The following SLC8A2 variants were observed in gnomAD, a reference collection of about 807,000 sequenced individuals.
SLC8A2 encodes solute carrier family 8 member A2, also known as sodium/calcium exchanger 2.
SLC8A2 carries 14 observed loss-of-function variants against 70.2 expected under a neutral mutation model. The observed-to-expected ratio is 0.20, with a 90% CI of 0.13 to 0.31. The LOEUF is 0.31. SLC8A2 is among the 10% of genes least tolerant of loss of function. SLC8A2 has a pLI of 1.00. For synonymous variants in SLC8A2, 575 were observed against 594.3 expected, an observed-to-expected ratio of 0.97 and a Z score of 0.47; for missense variants, 779 against 1,320.1, an observed-to-expected ratio of 0.59 and a Z score of 6.35.
In SLC8A2 at chr19:47,465,734, C is replaced by T. The variant is rs1967449202; in HGVS notation, c.670G>A (p.Val224Ile). Residue 224 changes from valine (V) to isoleucine (I), a missense_variant, in exon 2 of 10, where the codon GTC becomes ATC. Around this residue, in one of 6 missense-constraint regions of SLC8A2, gnomAD observed 155 missense variants for 318.6 expected, o/e 0.49. Coordinates refer to ENST00000236877, the MANE Select transcript of SLC8A2 (RefSeq NM_015063.3). The surrounding 1 kb of genome is among the most constrained non-coding windows in gnomAD (Gnocchi z 5.5). Reference sequence around the variant, plus strand: ...ATCTATGCGTCTTTGCTCACCTGGACCACACCGGGGGAAAAAACAGCAAGG... The same window carrying T: ...ATCTATGCGTCTTTGCTCACCTGGATCACACCGGGGGAAAAAACAGCAAGG... ...LILAVFSPGV[V>I]QVWEALLTLV... 1 of 1,608,626 alleles carries T rather than the reference C, an allele frequency of 6.2e-7. No homozygotes were observed. Among genetic ancestry groups the T allele is most frequent in the African/African-American group, 1.3e-5 (1 of 74,856 alleles).
Position 47,447,768 on chromosome 19 carries a change from C to T in SLC8A2, c.1763+41G>A, listed in dbSNP as rs978796605. The T allele has an allele frequency of 3.3e-6, 5 of 1,529,120 alleles. No homozygotes were observed. The highest frequency in any genetic ancestry group is 1.2e-5 in the South Asian group (1 of 81,586). 94.7% of individuals were successfully genotyped at this position (1,529,120 alleles called of 1,614,324 possible). ...GAGCCACATCAGGCCTCGCCCATTCCGAAGCCCCGCCCCTCTCCGGGCCGC... is the reference window on the plus strand; with the variant it reads ...GAGCCACATCAGGCCTCGCCCATTCTGAAGCCCCGCCCCTCTCCGGGCCGC... On this transcript the variant is annotated intron_variant, in intron 4 of 9. Transcript: ENST00000236877. The surrounding 1 kb of genome is among the most constrained non-coding windows in gnomAD (Gnocchi z 5.1).
At position 47,430,749 on chromosome 19, in the gene SLC8A2, C is replaced by T. The variant is rs1018420078; in HGVS notation, c.2390-284G>A. ...TGATTTCTTTTTTTTTCCTCCGAGA[C>T]GGAGTTTTGCTCTGTCACCCAGGCT... On this transcript the variant is annotated intron_variant, in intron 9 of 9. Transcript: ENST00000236877. The surrounding 1 kb of genome is among the most constrained non-coding windows in gnomAD (Gnocchi z 5.9). Among the ~76,000 whole-genome samples the T allele has an allele frequency of 1.3e-5, 2 of 152,128 alleles. No homozygotes were observed. The highest frequency in any genetic ancestry group is 6.5e-5 in the Admixed American group (1 of 15,276).
At chr19:47,452,194 A>C (rs1455630781) in intron 3 of SLC8A2, among the ~76,000 whole-genome samples, 1 of 152,044 alleles carries the variant, frequency 6.6e-6, no homozygotes, top group Non-Finnish European at 1.5e-5. Context: ...TCGTGGTCAC[A>C]GAGTGTCACA....
In SLC8A2 at chr19:47,448,628, T is replaced by G. The variant is rs767023870; in HGVS notation, c.1341-397A>C. ...GGGAGCCTGGGGTGTTCTACATCCC[T>G]GCTTCTCAAACCTTAATATGCATAT... is the stretch of plus-strand genomic sequence containing the variant. On this transcript the variant is annotated intron_variant, in intron 3 of 9. Coordinates refer to ENST00000236877, the MANE Select transcript of SLC8A2 (RefSeq NM_015063.3). The surrounding 1 kb of genome is among the most constrained non-coding windows in gnomAD (Gnocchi z 4.8). Among the ~76,000 whole-genome samples, 3 of 152,186 alleles carry G rather than the reference T, an allele frequency of 2.0e-5. No homozygotes were observed. Among genetic ancestry groups the G allele is most frequent in the Non-Finnish European group, 4.4e-5 (3 of 68,028 alleles).
chr19:47,457,388 C>T lies in SLC8A2; in HGVS notation c.882G>A (p.Glu294=), dbSNP rs924743422. The T allele has an allele frequency of 8.3e-6, 13 of 1,557,268 alleles. No individual in the cohort carries two copies. The highest frequency in any genetic ancestry group is 1.1e-5 in the Non-Finnish European group (13 of 1,152,864). The change falls in exon 3 of 10, where the codon GAG becomes GAA. Residue 294 remains glutamate (E), a synonymous_variant. Transcript: ENST00000236877. ...GTFVGAEAPG[E]LGGLGPGPAE... ...CGGGGCCCGGGCCCAGGCCGCCCAG[C>T]TCACCTGGGGCCTCGGCGCCCACGA...
chr19:47,430,538 C>T lies in SLC8A2; in HGVS notation c.2390-73G>A. On this transcript the variant is annotated intron_variant, in intron 9 of 9. Coordinates refer to ENST00000236877, the MANE Select transcript of SLC8A2 (RefSeq NM_015063.3). The surrounding 1 kb of genome is among the most constrained non-coding windows in gnomAD (Gnocchi z 5.9). ...ACAGGGGCGGGCATCCGCCTGCCCC[C>T]TCCCAGCCTTTCCCGGTCGCCTGCT... 2.1e-6 allele frequency: 3 copies of T among 1,430,112 alleles called. No homozygotes were observed. The highest frequency in any genetic ancestry group is 1.8e-6 in the Non-Finnish European group (2 of 1,084,810). 88.6% of individuals were successfully genotyped at this position (1,430,112 alleles called of 1,614,324 possible). A position where few individuals can be genotyped will look rare whatever the true frequency, so the allele number is the denominator to read the frequency against.
chr19:47,446,167 G>A (rs1967159524), intron 4 of SLC8A2, among the ~76,000 whole-genome samples: 1 of 152,214 alleles, frequency 6.6e-6, no homozygotes, highest in East Asian at 1.9e-4. Context: ...GGGGGAGCGC[G>A]GTGGGGACTC....
At position 47,447,643 on chromosome 19, in the gene SLC8A2, C is replaced by CA. The variant is rs1967182448; in HGVS notation, c.1763+165_1763+166insT. The CA allele has an allele frequency of 2.0e-5, 13 of 662,002 alleles. No individual in the cohort carries two copies. Among genetic ancestry groups the CA allele is most frequent in the Admixed American group, 7.0e-5 (2 of 28,756 alleles). 41.0% of individuals were successfully genotyped at this position (662,002 alleles called of 1,614,324 possible). On this transcript the variant is annotated intron_variant, in intron 4 of 9. Coordinates refer to ENST00000236877, the MANE Select transcript of SLC8A2 (RefSeq NM_015063.3). The surrounding 1 kb of genome is among the most constrained non-coding windows in gnomAD (Gnocchi z 5.1). ...ACGTCGTGGGCATGGGTCACAGGCC[C>CA]CGCCCACGTTGCGGGCACGGCCACG...
chr19:47,455,534 T>C (rs530891144), intron 3 of SLC8A2, among the ~76,000 whole-genome samples: 1 of 152,352 alleles, frequency 6.6e-6, no homozygotes, highest in South Asian at 2.1e-4. Context: ...TGTTTGTTTC[T>C]TGCACATAGT....
At chr19:47,455,022 G>A (rs1967287374) in intron 3 of SLC8A2, among the ~76,000 whole-genome samples, 1 of 152,050 alleles carries the variant, frequency 6.6e-6, no homozygotes, top group South Asian at 2.1e-4. Flanking sequence ...GGAAGGTGAA[G>A]GTTGCAGTGA....
intron 3 of SLC8A2, among the ~76,000 whole-genome samples, chr19:47,452,805 G>A (rs1035480718): frequency 9.2e-5 from 14 of 152,252 alleles, no homozygotes; most frequent in African/African-American, 3.1e-4. Flanking sequence ...GGCCGGGGTG[G>A]ATGGGTCACC....
At chr19:47,443,652 G>A (rs1472765960) in intron 4 of SLC8A2, among the ~76,000 whole-genome samples, 1 of 152,180 alleles carries the variant, frequency 6.6e-6, no homozygotes, top group Non-Finnish European at 1.5e-5. Context: ...GCCCCTCACT[G>A]TGGTACCACG....
intron 3 of SLC8A2, among the ~76,000 whole-genome samples, chr19:47,452,445 A>AGAGAGTGT (rs1568444583): frequency 2.8e-4 from 15 of 54,092 alleles, no homozygotes; most frequent in African/African-American, 1.3e-3. Context: ...AGAGAGAGAG[A>AGAGAGTGT]GTGTGTGTGT....
In SLC8A2 at chr19:47,466,515, AGC is replaced by A. The variant is rs1967464279; in HGVS notation, c.-16-98_-16-97del. 2 of 583,042 alleles carry A rather than the reference AGC, an allele frequency of 3.4e-6. No individual in the cohort carries two copies. The highest frequency in any genetic ancestry group is 3.7e-5 in the African/African-American group (2 of 53,522). 36.1% of individuals were successfully genotyped at this position (583,042 alleles called of 1,614,324 possible). A position where few individuals can be genotyped will look rare whatever the true frequency, so the allele number is the denominator to read the frequency against. The stretch of plus-strand genomic sequence containing the variant: ...ACTGGGGAAGGAGGGTTGGGGGAGA[AGC>A]TGAGGACCAATGCAGGCAGGATGGG... On this transcript the variant is annotated intron_variant, in intron 1 of 9. Transcript: ENST00000236877. This position sits in a 1 kb window ranked among gnomAD's most constrained non-coding sequence, Gnocchi z 6.9.
chr19:47,439,254 A>T (rs780871941), intron 6 of SLC8A2, among the ~76,000 whole-genome samples: 8 of 152,222 alleles, frequency 5.3e-5, no homozygotes, highest in Non-Finnish European at 8.8e-5. Context: ...GAGGCCAGGT[A>T]CAGTGGCTCA....
chr19:47,434,685 G>A (rs981199658), intron 8 of SLC8A2, among the ~76,000 whole-genome samples: 3 of 152,126 alleles, frequency 2.0e-5, no homozygotes, highest in Non-Finnish European at 2.9e-5. Flanking sequence ...GGAGGTAAAG[G>A]AAGTACAAAA....
chr19:47,466,570 TGACA>T lies in SLC8A2; in HGVS notation c.-16-155_-16-152del, dbSNP rs930481885. On this transcript the variant is annotated intron_variant, in intron 1 of 9. Coordinates refer to ENST00000236877, the MANE Select transcript of SLC8A2 (RefSeq NM_015063.3). The surrounding 1 kb of genome is among the most constrained non-coding windows in gnomAD (Gnocchi z 6.9). ...CTGAGGGCGACAGAGACACAGAGAG[TGACA>T]GACAGAGACCCACAGAGAGAGAGAG... 5.3e-4 allele frequency among the ~76,000 whole-genome samples: 69 copies of T among 129,138 alleles called. No homozygotes were observed. The highest frequency in any genetic ancestry group is 1.8e-3 in the African/African-American group (67 of 37,898). 84.7% of individuals were successfully genotyped at this position (129,138 alleles called of 152,430 possible).
chr19:47,446,869 C>A (rs1026160386), intron 4 of SLC8A2, among the ~76,000 whole-genome samples: 2 of 151,926 alleles, frequency 1.3e-5, no homozygotes, highest in South Asian at 2.1e-4. Flanking sequence ...GTGTGTGGTG[C>A]GTATAAATGG....
At position 47,441,436 on chromosome 19, in the gene SLC8A2, T is replaced by A. The variant is rs1344579612; in HGVS notation, c.1768A>T (p.Thr590Ser). 1 of 1,605,652 alleles carries A rather than the reference T, an allele frequency of 6.2e-7. No homozygotes were observed. Among genetic ancestry groups the A allele is most frequent in the Non-Finnish European group, 8.5e-7 (1 of 1,173,288 alleles). ...TCATCAACTATCTTCACCTGAAGAGTTTTCCTGTGCAGGGGGTAAGGGGGA... is the reference window on the plus strand; with the variant it reads ...TCATCAACTATCTTCACCTGAAGAGATTTCCTGTGCAGGGGGTAAGGGGGA... ...LEFGDDETMK[T>S]LQVKIVDDEE... Residue 590 changes from threonine (T) to serine (S), a missense_variant, in exon 5 of 10, where the codon ACT (threonine) becomes TCT (serine). Around this residue, in one of 6 missense-constraint regions of SLC8A2, gnomAD observed 247 missense variants for 362.8 expected, o/e 0.68. Transcript: ENST00000236877.
Sources: allele counts gnomAD v4.1 joint callset (sites outside exome capture counted in the v4.1 genomes callset), GRCh38; gene constraint gnomAD v4.1.1; regional missense constraint gnomAD v4.1.1; non-coding constraint Gnocchi (gnomAD v3.1); transcripts MANE v1.5; gene names NCBI Gene and HGNC (gene_info 2026-07-23, HGNC 2026-07-21).